The following SMARCC1 variants were observed in gnomAD, a reference collection of about 807,000 sequenced individuals.
SMARCC1 encodes SWI/SNF complex subunit SMARCC1.
SMARCC1 carries 43 observed loss-of-function variants against 147.4 expected under a neutral mutation model. That is an observed-to-expected ratio of 0.29 (90% confidence interval 0.23 to 0.38). The LOEUF (loss-of-function observed/expected upper bound fraction) is 0.38, where lower values mean the gene tolerates loss of function less well. Among genes scored for constraint, SMARCC1 ranks in the 10% least tolerant of loss-of-function variants. The probability of loss-of-function intolerance (pLI) is 1.00; values close to 1 mark genes in which losing one functional copy is unlikely to be tolerated. For synonymous variants in SMARCC1, 495 were observed against 484.4 expected (o/e 1.02, Z -0.29); for missense variants, 1,119 against 1,381.1 (o/e 0.81, Z 3.01).
intron 26 of SMARCC1, among the ~76,000 whole-genome samples, chr3:47,595,842 C>A (rs927226801): frequency 6.6e-6 from 1 of 150,942 alleles, no homozygotes; most frequent in African/African-American, 2.4e-5. Flanking sequence ...TCAGGTGAGT[C>A]TCCTGCCTCA....
chr3:47,731,261 T>C (rs73831530), intron 5 of SMARCC1, among the ~76,000 whole-genome samples: 2,543 of 152,342 alleles, frequency 0.017, 63 homozygotes, highest in African/African-American at 0.049. Flanking sequence ...CTCTTCCATC[T>C]GTTCAAGTTT....
intron 13 of SMARCC1, among the ~76,000 whole-genome samples, chr3:47,688,340 G>T (rs1178564462): frequency 1.3e-5 from 2 of 151,492 alleles, no homozygotes; most frequent in Non-Finnish European, 2.9e-5. Flanking sequence ...GAACAATACA[G>T]GTGAAGAGTC....
chr3:47,731,497 C>T (rs979744697), intron 5 of SMARCC1, among the ~76,000 whole-genome samples: 1 of 152,078 alleles, frequency 6.6e-6, no homozygotes, highest in African/African-American at 2.4e-5. Flanking sequence ...GAATCTGTTC[C>T]AGAAGATTTT....
intron 26 of SMARCC1, among the ~76,000 whole-genome samples, chr3:47,609,340 CAAAAAA>C (rs1347747625): frequency 6.6e-6 from 1 of 151,798 alleles, no homozygotes; most frequent in Non-Finnish European, 1.5e-5. Context: ...ACTAAAAATA[CAAAAAA>C]ATTAGCCAGG....
intron 7 of SMARCC1, among the ~76,000 whole-genome samples, chr3:47,719,466 CA>C (rs1286523580): frequency 1.3e-5 from 2 of 151,840 alleles, no homozygotes; most frequent in African/African-American, 4.8e-5. Flanking sequence ...TTTGAGAAGC[CA>C]AGGTGGGTGG....
chr3:47,684,018 C>T (rs2033687823), intron 14 of SMARCC1, among the ~76,000 whole-genome samples: 1 of 152,062 alleles, frequency 6.6e-6, no homozygotes, highest in Non-Finnish European at 1.5e-5. Context: ...TTTGGGAGGC[C>T]GAGGCGGGCG....
rs370320505 is a variant in SMARCC1 at position 47,732,163 on chromosome 3, C to T, written c.577-3069G>A. Among the ~76,000 whole-genome samples, 206 of 152,282 alleles carry T rather than the reference C, an allele frequency of 1.4e-3. 1 individual carries two copies. Among genetic ancestry groups the T allele is most frequent in the Non-Finnish European group, 2.4e-3 (161 of 68,032 alleles). On this transcript the variant is annotated intron_variant, in intron 5 of 27. Coordinates refer to ENST00000254480, the MANE Select transcript of SMARCC1 (RefSeq NM_003074.4). Reference sequence around the variant, plus strand: ...ACTTGGCATTTTTATGTTCTGAAAACGGCTTCTTTCCTTAAACCTCATTAG... The same window carrying T: ...ACTTGGCATTTTTATGTTCTGAAAATGGCTTCTTTCCTTAAACCTCATTAG...
In SMARCC1 at chr3:47,658,158, A is replaced by G. The variant is rs535458186; in HGVS notation, c.2320+3136T>C. On this transcript the variant is annotated intron_variant, in intron 21 of 27. Transcript: ENST00000254480. The stretch of plus-strand genomic sequence containing the variant: ...TAAAACAAGAAAAGCAAGTGGATGA[A>G]ATTACTATAATCAGTAATGAAAATG... Among the ~76,000 whole-genome samples the G allele has an allele frequency of 2.2e-3, 331 of 152,306 alleles. 2 individuals carry two copies. The highest frequency in any genetic ancestry group is 7.2e-3 in the African/African-American group (298 of 41,564).
At chr3:47,774,625 G>A (rs961903707) in intron 1 of SMARCC1, among the ~76,000 whole-genome samples, 8 of 151,748 alleles carry the variant, frequency 5.3e-5, no homozygotes, top group Non-Finnish European at 1.0e-4. Flanking sequence ...CACCATGTTA[G>A]CCAGGATGGT....
At chr3:47,683,187 C>G (rs955827130) in intron 14 of SMARCC1, among the ~76,000 whole-genome samples, 2 of 152,144 alleles carry the variant, frequency 1.3e-5, no homozygotes, top group African/African-American at 4.8e-5. Context: ...GGAATACACG[C>G]GCCCGCCACC....
chr3:47,755,148 C>A (rs1301485513), intron 2 of SMARCC1, among the ~76,000 whole-genome samples: 3 of 152,074 alleles, frequency 2.0e-5, no homozygotes, highest in Non-Finnish European at 2.9e-5. Flanking sequence ...AAGGTGGAGG[C>A]TGCAGTGAGC....
At chr3:47,590,640 T>TC (rs1205622545) in intron 27 of SMARCC1, 21 bp downstream of exon 27, 3 of 1,490,784 alleles carry the variant, frequency 2.0e-6, no homozygotes, top group Non-Finnish European at 1.8e-6. Context: ...AGATAATGCA[T>TC]CCCCCCTCCA....
At chr3:47,684,234 C>T (rs1273537086) in intron 14 of SMARCC1, among the ~76,000 whole-genome samples, 1 of 140,792 alleles carries the variant, frequency 7.1e-6, no homozygotes, top group East Asian at 2.1e-4. Context: ...AGCGAGACTC[C>T]GTCTCAAAAA....
intron 11 of SMARCC1, among the ~76,000 whole-genome samples, chr3:47,693,719 G>A (rs1169476372): frequency 2.0e-5 from 3 of 152,166 alleles, no homozygotes; most frequent in Non-Finnish European, 4.4e-5. Context: ...CTTGAGTGCA[G>A]TGGTGCGATC....
At chr3:47,715,757 C>T (rs1186053313) in intron 7 of SMARCC1, among the ~76,000 whole-genome samples, 2 of 152,166 alleles carry the variant, frequency 1.3e-5, no homozygotes, top group Non-Finnish European at 2.9e-5. Flanking sequence ...CCATTTCCTG[C>T]TCTTCTGTCC....
chr3:47,728,609 T>C (rs1395964482), intron 6 of SMARCC1, among the ~76,000 whole-genome samples: 1 of 152,074 alleles, frequency 6.6e-6, no homozygotes, highest in Non-Finnish European at 1.5e-5. Flanking sequence ...TACTACATCT[T>C]TTAAAAGTTA....
intron 10 of SMARCC1, among the ~76,000 whole-genome samples, chr3:47,701,906 A>C (rs1365342758): frequency 6.6e-6 from 1 of 152,184 alleles, no homozygotes; most frequent in East Asian, 1.9e-4. Flanking sequence ...TAAAAGAAAA[A>C]TAAAAGTTAA....
chr3:47,777,892 C>T lies in SMARCC1; in HGVS notation c.195+3711G>A, dbSNP rs1359293418. 4.0e-5 allele frequency among the ~76,000 whole-genome samples: 6 copies of T among 151,670 alleles called. No homozygotes were observed. In the South Asian group the frequency reaches 1.2e-3, roughly 31 times the overall value. ...GATTAGATTTTTTTTCCAAATCATC[C>T]TACCAAATTACCAAACATGAAAATG... On this transcript the variant is annotated intron_variant, in intron 1 of 27. Transcript: ENST00000254480.
At chr3:47,724,683 C>T (rs1445701102) in intron 6 of SMARCC1, among the ~76,000 whole-genome samples, 1 of 152,102 alleles carries the variant, frequency 6.6e-6, no homozygotes, top group Non-Finnish European at 1.5e-5. Context: ...ACTGGACATC[C>T]CTGTGCTAGG....
Sources: gnomAD v4.1 joint callset for allele counts (sites outside exome capture counted in the v4.1 genomes callset) on GRCh38, gnomAD v4.1.1 for gene constraint, MANE v1.5 for transcripts, NCBI Gene and HGNC (gene_info 2026-07-23, HGNC 2026-07-21) for gene names.